Variants in SAMD3 observed in about 807,000 individuals in gnomAD.
SAMD3 encodes sterile alpha motif domain-containing protein 3.
SAMD3 carries 63 observed loss-of-function variants against 58.5 expected under a neutral mutation model. The observed-to-expected ratio is 1.08, with a 90% confidence interval of 0.88 to 1.33. The LOEUF (loss-of-function observed/expected upper bound fraction) is 1.33. Among genes scored for constraint, SAMD3 ranks in the 40% most tolerant of loss-of-function variants. The pLI, the probability that SAMD3 is intolerant of heterozygous loss-of-function variation, is 0.00. For synonymous variants in SAMD3, 220 were observed against 210.3 expected (o/e 1.05, Z -0.40); for missense variants, 604 against 608.4 (o/e 0.99, Z 0.08).
At chr6:130,346,281 C>A (rs1777447703) in intron 1 of SAMD3, among the ~76,000 whole-genome samples, 1 of 152,206 alleles carries the variant, frequency 6.6e-6, no homozygotes, top group South Asian at 2.1e-4. Context: ...GGGATCGCCT[C>A]CCCTGGGAAG....
intron 8 of SAMD3, among the ~76,000 whole-genome samples, chr6:130,174,225 A>T (rs529750449): frequency 6.6e-6 from 1 of 152,296 alleles, no homozygotes; most frequent in East Asian, 1.9e-4. Flanking sequence ...CTGGGGTATG[A>T]AAAAATAGTC....
intron 8 of SAMD3, 159 bp downstream of exon 8, chr6:130,175,682 T>C: frequency 2.1e-6 from 1 of 472,218 alleles, no homozygotes; most frequent in East Asian, 3.2e-5. Flanking sequence ...ACGCTCATTG[T>C]TAGCCAGGCA....
chr6:130,302,327 A>T (rs186916811), intron 2 of SAMD3, among the ~76,000 whole-genome samples: 1 of 152,356 alleles, frequency 6.6e-6, no homozygotes, highest in East Asian at 1.9e-4. Flanking sequence ...ATAGGAAAAA[A>T]TGCTCATCAA....
At chr6:130,183,262 A>G (rs1282257407) in intron 7 of SAMD3, 3 of 416,534 alleles carry the variant, frequency 7.2e-6, no homozygotes, top group East Asian at 1.4e-4. Flanking sequence ...GCTTGAACCC[A>G]GGAGGCGGAG....
chr6:130,144,923 A>G (rs947393421), intron 11 of SAMD3, 119 bp from the exon 12 acceptor site: 4 of 996,860 alleles, frequency 4.0e-6, no homozygotes, highest in East Asian at 5.2e-5. Flanking sequence ...ATTTGTAAAT[A>G]TGACAAACAT....
intron 8 of SAMD3, among the ~76,000 whole-genome samples, chr6:130,173,439 T>C (rs1791426311): frequency 6.6e-6 from 1 of 152,238 alleles, no homozygotes; most frequent in Non-Finnish European, 1.5e-5. Flanking sequence ...AGATCCCTCT[T>C]CTGCAGGTCT....
At chr6:130,186,048 T>G (rs917992267) in intron 5 of SAMD3, among the ~76,000 whole-genome samples, 1 of 152,156 alleles carries the variant, frequency 6.6e-6, no homozygotes, top group African/African-American at 2.4e-5. Context: ...CCACTGAGTA[T>G]GCAAAATGAA....
At chr6:130,282,188 G>T (rs1775005014) in intron 2 of SAMD3, among the ~76,000 whole-genome samples, 1 of 152,026 alleles carries the variant, frequency 6.6e-6, no homozygotes, top group Non-Finnish European at 1.5e-5. Flanking sequence ...GGTAGAGAGA[G>T]AAAGAGAGAG....
rs1774264322 is a variant in SAMD3 at position 130,264,460 on chromosome 6, C to T, written c.-187-41647G>A. On this transcript the variant is annotated intron_variant, in intron 2 of 13. Transcript: ENST00000368134. Reference sequence around the variant, plus strand: ...GATGTGTGGTGGTATTGTGGTGGACCTTTACTGGGCACTCTGCCAAATAAC... The same window carrying T: ...GATGTGTGGTGGTATTGTGGTGGACTTTTACTGGGCACTCTGCCAAATAAC... 2.0e-5 allele frequency among the ~76,000 whole-genome samples: 3 copies of T among 152,212 alleles called. No individual in the cohort carries two copies. The South Asian group carries it at 6.2e-4, about 32-fold the overall frequency.
At chr6:130,157,533 G>T (rs1789902384) in intron 8 of SAMD3, among the ~76,000 whole-genome samples, 1 of 152,104 alleles carries the variant, frequency 6.6e-6, no homozygotes, top group African/African-American at 2.4e-5. Flanking sequence ...TTGCCATGTT[G>T]CCCAGGCTGG....
rs563875725 is a variant in SAMD3, at chr6:130,268,117, T to A, written c.-188+44861A>T. Among the ~76,000 whole-genome samples the A allele has an allele frequency of 1.1e-4, 16 of 152,340 alleles. No homozygotes were observed. In the East Asian group the frequency reaches 2.7e-3, roughly 26 times the overall value. ...AACAAACCTATTATGCTTTCAGTCC[T>A]GTAAAGACATTGATGATCCCAGCCC... On this transcript the variant is annotated intron_variant, in intron 2 of 13. Coordinates refer to the SAMD3 transcript ENST00000368134.
At chr6:130,165,739 A>G (rs1244901931) in intron 8 of SAMD3, among the ~76,000 whole-genome samples, 1 of 152,106 alleles carries the variant, frequency 6.6e-6, no homozygotes, top group Non-Finnish European at 1.5e-5. Flanking sequence ...AAGAAACTTT[A>G]GTAATTAAGA....
At chr6:130,153,647 C>CATATATATATATATATAT (rs1196709383) in intron 9 of SAMD3, among the ~76,000 whole-genome samples, 37 of 96,706 alleles carry the variant, frequency 3.8e-4, no homozygotes, top group East Asian at 1.2e-3. Flanking sequence ...CATTAAATTT[C>CATATATATATATATATAT]ATATATATAT....
intron 9 of SAMD3, among the ~76,000 whole-genome samples, chr6:130,149,926 A>G (rs1171918853): frequency 1.3e-5 from 2 of 152,186 alleles, no homozygotes; most frequent in Non-Finnish European, 2.9e-5. Context: ...CTACAAATTA[A>G]TCATCTTAAT....
chr6:130,296,481 G>C (rs1775573965), intron 2 of SAMD3, among the ~76,000 whole-genome samples: 2 of 152,168 alleles, frequency 1.3e-5, no homozygotes, highest in Admixed American at 1.3e-4. Context: ...CTGGCTCCCA[G>C]GAACAGATGT....
intron 2 of SAMD3, among the ~76,000 whole-genome samples, chr6:130,309,913 T>C (rs949478591): frequency 6.6e-6 from 1 of 152,146 alleles, no homozygotes; most frequent in African/African-American, 2.4e-5. Flanking sequence ...CACTTACTAA[T>C]ATCATATGAA....
chr6:130,281,431 G>A (rs1448964990), intron 2 of SAMD3, among the ~76,000 whole-genome samples: 2 of 152,144 alleles, frequency 1.3e-5, no homozygotes. Context: ...AGATGGGGAA[G>A]ACAGAGCCCA....
At chr6:130,202,724 C>G (rs576307717) in intron 5 of SAMD3, among the ~76,000 whole-genome samples, 141 of 152,284 alleles carry the variant, frequency 9.3e-4, no homozygotes, top group Non-Finnish European at 1.6e-3. Flanking sequence ...CTGGAAATCT[C>G]TAATCAAGGA....
chr6:130,327,556 C>T (rs917310597), intron 1 of SAMD3, among the ~76,000 whole-genome samples: 2 of 152,030 alleles, frequency 1.3e-5, no homozygotes, highest in African/African-American at 2.4e-5. Flanking sequence ...TAAAAATAGC[C>T]ATTAGACTTA....
Sources: gnomAD v4.1 joint callset for allele counts (sites outside exome capture counted in the v4.1 genomes callset) on GRCh38, gnomAD v4.1.1 for gene constraint, MANE v1.5 for transcripts, NCBI Gene and HGNC (gene_info 2026-07-23, HGNC 2026-07-21) for gene names.